The following FGF1 variants were observed in gnomAD, a reference collection of about 807,000 sequenced individuals.
FGF1 encodes the protein beta-endothelial cell growth factor.
Under a neutral mutation model 13.4 loss-of-function variants are expected in FGF1, and 9 were observed. That is an observed-to-expected ratio of 0.67 (90% CI 0.40 to 1.17). The LOEUF is 1.17. FGF1 is among the 50% of genes most tolerant of loss of function. The pLI is 0.01. For synonymous variants in FGF1, 93 were observed against 79.0 expected, an observed-to-expected ratio of 1.18 and a Z score of -0.94; for missense variants, 156 against 192.7, an observed-to-expected ratio of 0.81 and a Z score of 1.13.
intron 1 of FGF1, among the ~76,000 whole-genome samples, chr5:142,650,108 C>T (rs1766952807): frequency 6.6e-6 from 1 of 152,192 alleles, no homozygotes; most frequent in Admixed American, 6.5e-5. Flanking sequence ...GATTTTTAGG[C>T]ATCTTCCAGT....
chr5:142,665,766 C>G (rs1057325832), intron 1 of FGF1, among the ~76,000 whole-genome samples: 1 of 152,184 alleles, frequency 6.6e-6, no homozygotes, highest in Non-Finnish European at 1.5e-5. Context: ...CTACAGTGAT[C>G]CTAAGAGGAT....
chr5:142,655,600 A>G (rs896924005), intron 1 of FGF1, among the ~76,000 whole-genome samples: 1 of 152,228 alleles, frequency 6.6e-6, no homozygotes, highest in Admixed American at 6.5e-5. Flanking sequence ...CAATCCCAAT[A>G]GCTTAACTCA....
intron 1 of FGF1, among the ~76,000 whole-genome samples, chr5:142,657,582 T>C (rs1168487420): frequency 6.6e-6 from 1 of 152,266 alleles, no homozygotes; most frequent in Non-Finnish European, 1.5e-5. Flanking sequence ...ACTTGACTTT[T>C]ACTGATTCAG....
At chr5:142,659,049 T>C (rs1268704949) in intron 1 of FGF1, among the ~76,000 whole-genome samples, 1 of 152,188 alleles carries the variant, frequency 6.6e-6, no homozygotes, top group Non-Finnish European at 1.5e-5. Flanking sequence ...TTTGCTGGTG[T>C]TGGCGTGTGT....
chr5:142,673,886 CA>C (rs1771967548), intron 1 of FGF1, among the ~76,000 whole-genome samples: 1 of 152,218 alleles, frequency 6.6e-6, no homozygotes, highest in African/African-American at 2.4e-5. Context: ...AACAAAGCCC[CA>C]AACTTTTTGC....
At chr5:142,607,008 C>A (rs1391867196) in intron 2 of FGF1, among the ~76,000 whole-genome samples, 2 of 152,180 alleles carry the variant, frequency 1.3e-5, no homozygotes, top group African/African-American at 4.8e-5. Flanking sequence ...GATTCTCCTT[C>A]ATACATTTTA....
chr5:142,676,590 C>T (rs527520540), intron 1 of FGF1, among the ~76,000 whole-genome samples: 1 of 152,330 alleles, frequency 6.6e-6, no homozygotes, highest in South Asian at 2.1e-4. Flanking sequence ...CATGCTTTGA[C>T]CAACATGCTA....
intron 1 of FGF1, among the ~76,000 whole-genome samples, chr5:142,617,871 T>A (rs1041027213): frequency 1.2e-4 from 19 of 152,298 alleles, no homozygotes; most frequent in African/African-American, 4.6e-4. Flanking sequence ...AATCCACTAT[T>A]TGTTAAAGGG....
chr5:142,672,297 A>G (rs1451690203), intron 1 of FGF1, among the ~76,000 whole-genome samples: 1 of 152,162 alleles, frequency 6.6e-6, no homozygotes, highest in Admixed American at 6.5e-5. Flanking sequence ...TACTTTAGCT[A>G]TTCAAAAATA....
At chr5:142,651,668 T>C (rs1457517872) in intron 1 of FGF1, among the ~76,000 whole-genome samples, 3 of 152,154 alleles carry the variant, frequency 2.0e-5, no homozygotes, top group African/African-American at 7.2e-5. Context: ...CCCTCCTAAC[T>C]CCTGAAAACC....
chr5:142,629,079 A>G (rs550237083), intron 1 of FGF1, among the ~76,000 whole-genome samples: 1 of 152,318 alleles, frequency 6.6e-6, no homozygotes, highest in East Asian at 1.9e-4. Context: ...ACTTTTCTAC[A>G]GATCTGTTCC....
chr5:142,615,701 T>A (rs1760091458), intron 1 of FGF1, among the ~76,000 whole-genome samples: 1 of 152,234 alleles, frequency 6.6e-6, no homozygotes, highest in African/African-American at 2.4e-5. Flanking sequence ...TCATTTTTAA[T>A]AAAACCAAAG....
At position 142,593,659 on chromosome 5, in the gene FGF1, A is replaced by T. The variant is rs17217618; in HGVS notation, c.*1631T>A. The stretch of plus-strand genomic sequence containing the variant: ...CAGTGGAAAACAAAAATCTCATTTT[A>T]TAGGTAAATAAGTATCAGATAAGTG... On this transcript the variant is annotated 3_prime_UTR_variant, in exon 4 of 4. Transcript: ENST00000337706. The T allele has an allele frequency of 6.6e-6, 1 of 152,522 alleles. No homozygotes were observed. Among genetic ancestry groups the T allele is most frequent in the Non-Finnish European group, 1.5e-5 (1 of 68,044 alleles). The allele number at this position is 152,522 out of a possible 1,614,324, so 9.4% of individuals were successfully genotyped here.
At chr5:142,600,921 C>T in intron 2 of FGF1, 116 bp from the exon 3 acceptor site, 1 of 695,720 alleles carries the variant, frequency 1.4e-6, no homozygotes. Flanking sequence ...ACGGAGCCCT[C>T]AGGGATGAGC....
At chr5:142,648,464 A>C (rs1040736093) in intron 1 of FGF1, among the ~76,000 whole-genome samples, 5 of 150,858 alleles carry the variant, frequency 3.3e-5, no homozygotes, top group Non-Finnish European at 5.9e-5. Context: ...CAATGAGAAC[A>C]CATGGACACA....
At chr5:142,642,973 C>A (rs1405823359) in intron 1 of FGF1, among the ~76,000 whole-genome samples, 1 of 152,152 alleles carries the variant, frequency 6.6e-6, no homozygotes, top group East Asian at 1.9e-4. Flanking sequence ...TTAGGTTAGT[C>A]ATTATGCTAA....
chr5:142,598,771 C>T (rs1376329993), intron 3 of FGF1, among the ~76,000 whole-genome samples: 1 of 152,156 alleles, frequency 6.6e-6, no homozygotes, highest in Non-Finnish European at 1.5e-5. Flanking sequence ...ATACTAAGAT[C>T]ATATTTCAGG....
rs1039760356 is a variant in FGF1, at chr5:142,669,653, C to T, written c.-35+16304G>A. 6.6e-5 allele frequency among the ~76,000 whole-genome samples: 10 copies of T among 152,180 alleles called. No individual in the cohort carries two copies. In the East Asian group the frequency reaches 1.5e-3, roughly 24 times the overall value. ...CATCTGGCAGGACGACTGCTGCACT[C>T]GCTGTGGGGCGTGTCGCGGCTGAGG... On this transcript the variant is annotated intron_variant, in intron 1 of 3. Coordinates refer to ENST00000337706, the MANE Select transcript of FGF1 (RefSeq NM_000800.5).
At chr5:142,665,500 C>T (rs1770130185) in intron 1 of FGF1, among the ~76,000 whole-genome samples, 2 of 152,090 alleles carry the variant, frequency 1.3e-5, no homozygotes, top group Admixed American at 1.3e-4. Flanking sequence ...CCAGGACCTC[C>T]CCCCAACAAG....
Sources: gnomAD v4.1 joint callset for allele counts (sites outside exome capture counted in the v4.1 genomes callset) on GRCh38, gnomAD v4.1.1 for gene constraint, MANE v1.5 for transcripts, NCBI Gene and HGNC (gene_info 2026-07-23, HGNC 2026-07-21) for gene names.